LRBA: variants seen among roughly 807,000 people sequenced by gnomAD.
The protein encoded by LRBA is LPS responsive beige-like anchor protein.
A neutral mutation model predicts 330.0 loss-of-function variants in LRBA; 176 were observed. That is an observed-to-expected ratio of 0.53 (90% CI 0.47 to 0.60). The LOEUF (loss-of-function observed/expected upper bound fraction) is 0.60, where lower values mean the gene tolerates loss of function less well. LRBA is among the 20% of genes least tolerant of loss of function. The probability of loss-of-function intolerance (pLI) is 0.00; values close to 1 mark genes in which losing one functional copy is unlikely to be tolerated. For synonymous variants in LRBA, 1,230 were observed against 1,193.0 expected, an observed-to-expected ratio of 1.03 and a Z score of -0.64; for missense variants, 3,259 against 3,444.8, an observed-to-expected ratio of 0.95 and a Z score of 1.35.
Position 150,954,177 on chromosome 4 carries a change from C to T in LRBA, c.217-25112G>A, listed in dbSNP as rs540855846. Among the ~76,000 whole-genome samples the T allele has an allele frequency of 7.9e-5, 12 of 151,084 alleles. No homozygotes were observed. The East Asian group carries it at 1.2e-3, about 15-fold the overall frequency. ...GCAGCCCCCGCCCGGCCAGCCGCCC[C>T]GTCCAGAAGGTGGGGGGCCCCTCTG... On this transcript the variant is annotated intron_variant, in intron 2 of 56. Transcript: ENST00000651943.
chr4:150,919,334 A>T (rs1223305527), intron 5 of LRBA, among the ~76,000 whole-genome samples: 1 of 152,186 alleles, frequency 6.6e-6, no homozygotes, highest in African/African-American at 2.4e-5. Flanking sequence ...ATATACTTTA[A>T]ATGAGTTAAT....
intron 37 of LRBA, among the ~76,000 whole-genome samples, chr4:150,624,310 CAAA>C (rs11301318): frequency 4.3e-5 from 6 of 140,326 alleles, no homozygotes; most frequent in Non-Finnish European, 6.2e-5. Context: ...ACCTCCCTAT[CAAA>C]AAAAAAAAAA....
chr4:150,747,255 C>A (rs550609374), intron 35 of LRBA, among the ~76,000 whole-genome samples: 1 of 152,100 alleles, frequency 6.6e-6, no homozygotes, highest in South Asian at 2.1e-4. Flanking sequence ...ACTACAGAAC[C>A]TTTTCTGATC....
At chr4:150,466,948 A>G (rs531516339) in intron 44 of LRBA, among the ~76,000 whole-genome samples, 1 of 152,232 alleles carries the variant, frequency 6.6e-6, no homozygotes, top group South Asian at 2.1e-4. Flanking sequence ...AATTCCCACT[A>G]TAAGAGGTCC....
chr4:150,909,075 TG>T (rs1731669663), intron 9 of LRBA, among the ~76,000 whole-genome samples: 1 of 152,240 alleles, frequency 6.6e-6, no homozygotes, highest in Non-Finnish European at 1.5e-5. Flanking sequence ...AATGTAGAAG[TG>T]ACCAATAGAT....
At chr4:150,485,058 T>A (rs1347618647) in intron 42 of LRBA, among the ~76,000 whole-genome samples, 1 of 151,964 alleles carries the variant, frequency 6.6e-6, no homozygotes, top group African/African-American at 2.4e-5. Context: ...ATGGTCAACG[T>A]GATAAATGTT....
At position 150,908,686 on chromosome 4, in the gene LRBA, G is replaced by A. The variant is rs752509485; in HGVS notation, c.1333C>T (p.His445Tyr). 1 of 1,613,818 alleles carries A rather than the reference G, an allele frequency of 6.2e-7. No individual in the cohort carries two copies. Among genetic ancestry groups the A allele is most frequent in the East Asian group, 2.2e-5 (1 of 44,862 alleles). Residue 445 changes from histidine to tyrosine, a missense_variant, in exon 10 of 57, where the codon CAT becomes TAT. Transcript: ENST00000651943. ...TGGAGCATGAGTGCATGTGGTGAAT[G>A]AACAAAAATTGAAGGGTTGTCCTTA... ...SPKDNPSIFV[H>Y]SPHALMLQDV...
rs546863740 is a variant in LRBA at position 150,271,203 on chromosome 4, T to C, written c.8469-5391A>G. Among the ~76,000 whole-genome samples the C allele has an allele frequency of 2.0e-5, 3 of 152,266 alleles. No homozygotes were observed. The East Asian group carries it at 5.8e-4, about 29-fold the overall frequency. On this transcript the variant is annotated intron_variant, in intron 56 of 56. Transcript: ENST00000651943. ...AGATACTGCGCTTTTCCCACAGTCT[T>C]CACAACCTGCAGACCAGGAGATTCC...
intron 34 of LRBA, among the ~76,000 whole-genome samples, chr4:150,772,292 C>T (rs1736690745): frequency 6.6e-6 from 1 of 152,154 alleles, no homozygotes; most frequent in South Asian, 2.1e-4. Flanking sequence ...AGGCCCAAGT[C>T]TTCTCCTCTG....
intron 40 of LRBA, among the ~76,000 whole-genome samples, chr4:150,549,283 C>G (rs1367245589): frequency 6.6e-6 from 1 of 151,656 alleles, no homozygotes; most frequent in Non-Finnish European, 1.5e-5. Context: ...ATTTTTCTAA[C>G]ATTCTGTCAT....
intron 47 of LRBA, among the ~76,000 whole-genome samples, chr4:150,351,546 G>A (rs1014643646): frequency 9.2e-5 from 14 of 151,970 alleles, no homozygotes; most frequent in South Asian, 4.2e-4. Flanking sequence ...AAAATTAGCC[G>A]GGCGTGGTGG....
At chr4:150,338,775 C>T (rs1735074856) in intron 48 of LRBA, among the ~76,000 whole-genome samples, 1 of 152,086 alleles carries the variant, frequency 6.6e-6, no homozygotes, top group Admixed American at 6.6e-5. Context: ...TTTACATACA[C>T]ATCAAAGTGC....
intron 47 of LRBA, among the ~76,000 whole-genome samples, chr4:150,409,145 G>A (rs911459491): frequency 6.6e-6 from 1 of 151,948 alleles, no homozygotes; most frequent in African/African-American, 2.4e-5. Flanking sequence ...GAAAAATTTG[G>A]ACAGACAGAC....
intron 35 of LRBA, among the ~76,000 whole-genome samples, chr4:150,739,893 A>C (rs1731718619): frequency 6.6e-6 from 1 of 152,146 alleles, no homozygotes; most frequent in Non-Finnish European, 1.5e-5. Flanking sequence ...TAAGACTGCA[A>C]CTCTGGCCAG....
At chr4:150,812,319 TCTAA>T (rs1439773577) in intron 31 of LRBA, among the ~76,000 whole-genome samples, 3 of 152,184 alleles carry the variant, frequency 2.0e-5, no homozygotes, top group Non-Finnish European at 4.4e-5. Flanking sequence ...ACTGGCTCCT[TCTAA>T]CTGACAGTTT....
Position 150,683,631 on chromosome 4 carries a change from G to T in LRBA, c.5841C>A (p.His1947Gln), listed in dbSNP as rs561058222. ...HLIRAAKYRDHVTATQLIQKI... is the reference protein window; with the variant it reads ...HLIRAAKYRDQVTATQLIQKI... ...TCTGGATTAGTTGAGTTGCTGTCAC[G>T]TGGTCACGATATTTTGCTGCTCTTA... The change falls in exon 37 of 57, where the codon CAC (histidine) becomes CAA (glutamine). Residue 1947 changes from histidine to glutamine, a missense_variant. His to Gln is a conservative substitution (Grantham distance 24). Transcript: ENST00000651943. The T allele has an allele frequency of 1.2e-6, 2 of 1,612,928 alleles. No individual in the cohort carries two copies. Among genetic ancestry groups the T allele is most frequent in the South Asian group, 2.2e-5 (2 of 91,032 alleles).
intron 26 of LRBA, among the ~76,000 whole-genome samples, chr4:150,848,032 T>A (rs79458363): frequency 1.3e-5 from 2 of 152,092 alleles, no homozygotes; most frequent in Admixed American, 1.3e-4. Flanking sequence ...TTTTTTTTTT[T>A]GAGACAGAGT....
intron 2 of LRBA, among the ~76,000 whole-genome samples, chr4:150,944,533 C>CA (rs1200775981): frequency 6.6e-6 from 1 of 151,594 alleles, no homozygotes; most frequent in Non-Finnish European, 1.5e-5. Flanking sequence ...ACCAATTCCT[C>CA]AAAGTCTATC....
chr4:150,489,465 A>AATATATTATATATAAGAATATAT (rs1758535949), intron 41 of LRBA, among the ~76,000 whole-genome samples: 3 of 21,960 alleles, frequency 1.4e-4, no homozygotes, highest in African/African-American at 3.2e-4. Context: ...TAAGAATATA[A>AATATATTATATATAAGAATATAT]AATATATTAT....
Sources: gnomAD v4.1 joint callset for allele counts (sites outside exome capture counted in the v4.1 genomes callset) on GRCh38, gnomAD v4.1.1 for gene constraint, MANE v1.5 for transcripts, NCBI Gene and HGNC (gene_info 2026-07-23, HGNC 2026-07-21) for gene names.